Variants in CYP4F2 observed in about 807,000 individuals in gnomAD.
CYP4F2 encodes cytochrome P450 4F2.
In CYP4F2, 58 loss-of-function variants were observed where a neutral mutation model predicts 58.9. That is an observed-to-expected ratio of 0.98 (90% CI 0.80 to 1.23). The LOEUF is 1.23. CYP4F2 is among the 50% of genes most tolerant of loss of function. The probability of loss-of-function intolerance (pLI) is 0.00; values close to 1 mark genes in which losing one functional copy is unlikely to be tolerated. For synonymous variants in CYP4F2, 287 were observed against 261.1 expected (o/e 1.10, Z -0.95); for missense variants, 616 against 685.6 (o/e 0.90, Z 1.13).
intron 9 of CYP4F2, among the ~76,000 whole-genome samples, chr19:15,882,569 C>T: frequency 1.5e-5 from 1 of 66,908 alleles, no homozygotes; most frequent in Non-Finnish European, 3.4e-5. Flanking sequence ...CACATTGTAC[C>T]TCTAATATAT....
At chr19:15,884,337 A>C (rs1402190233) in intron 9 of CYP4F2, among the ~76,000 whole-genome samples, 1 of 152,160 alleles carries the variant, frequency 6.6e-6, no homozygotes, top group African/African-American at 2.4e-5. Context: ...GATTGGTAGA[A>C]GGGAGGGAGG....
Position 15,879,612 on chromosome 19 carries a change from C to T in CYP4F2, c.1306G>A (p.Asp436Asn). 2 of 1,614,102 alleles carry T rather than the reference C, an allele frequency of 1.2e-6. No homozygotes were observed. The highest frequency in any genetic ancestry group is 1.7e-6 in the Non-Finnish European group (2 of 1,180,008). The change falls in exon 11 of 13, where the codon GAC becomes AAC. Residue 436 changes from aspartate (D) to asparagine (N), a missense_variant. Coordinates refer to ENST00000221700, the MANE Select transcript of CYP4F2 (RefSeq NM_001082.5). ...AGAGAGGGGCCCCGCACCTCAGGGT[C>T]CGGCCACACAGCTGGGTTGTGATGG... ...GTHHNPAVWPDPEVYDPFRFD... is the reference protein window; with the variant it reads ...GTHHNPAVWPNPEVYDPFRFD...
intron 3 of CYP4F2, among the ~76,000 whole-genome samples, chr19:15,894,076 G>A (rs2089433768): frequency 6.6e-6 from 1 of 152,026 alleles, no homozygotes; most frequent in Non-Finnish European, 1.5e-5. Context: ...AGACAGAAAA[G>A]GTCTTTCCCC....
Position 15,897,578 on chromosome 19 carries a change from A to C in CYP4F2, c.34T>G (p.Trp12Gly), listed in dbSNP as rs3093105. 266,305 of 1,613,268 alleles carry C rather than the reference A, an allele frequency of 0.17. 23,107 individuals carry two copies. The highest frequency in any genetic ancestry group is 0.24 in the African/African-American group (17,840 of 74,890). The change falls in exon 2 of 13, where the codon TGG (tryptophan) becomes GGG (glycine). Residue 12 changes from tryptophan (W) to glycine (G), a missense_variant. By Grantham distance (184) the Trp-to-Gly change is radical. Coordinates refer to ENST00000221700, the MANE Select transcript of CYP4F2 (RefSeq NM_001082.5). ...AGCCAAGGGGATGCTGCCACTGGCC[A>C]GAGGCCCAGCCAGGACAGGCTCAGC... is the stretch of plus-strand genomic sequence containing the variant. ...SQLSLSWLGL[W>G]PVAASPWLLL...
At position 15,897,573 on chromosome 19, in the gene CYP4F2, T is replaced by G. The variant is rs951413978; in HGVS notation, c.39A>C (p.Pro13=). The G allele has an allele frequency of 1.9e-6, 3 of 1,613,730 alleles. No individual in the cohort carries two copies. The highest frequency in any genetic ancestry group is 2.7e-5 in the African/African-American group (2 of 74,884). ...QLSLSWLGLW[P]VAASPWLLLL... is the part of the protein sequence containing the mutation. ...GGAGCAGCCAAGGGGATGCTGCCAC[T>G]GGCCAGAGGCCCAGCCAGGACAGGC... The change falls in exon 2 of 13, where the codon CCA becomes CCC. Residue 13 remains proline (P), a synonymous_variant. Coordinates refer to ENST00000221700, the MANE Select transcript of CYP4F2 (RefSeq NM_001082.5).
intron 3 of CYP4F2, among the ~76,000 whole-genome samples, chr19:15,894,535 C>T (rs1389690183): frequency 6.6e-6 from 1 of 151,970 alleles, no homozygotes; most frequent in Non-Finnish European, 1.5e-5. Flanking sequence ...TTCCAGTGAC[C>T]TTGTGTGAGA....
chr19:15,884,762 T>C (rs1376385890), intron 9 of CYP4F2, among the ~76,000 whole-genome samples: 1 of 152,188 alleles, frequency 6.6e-6, no homozygotes, highest in African/African-American at 2.4e-5. Context: ...TCCATTCCAA[T>C]GCTTCCTCTC....
intron 9 of CYP4F2, among the ~76,000 whole-genome samples, chr19:15,882,465 T>A (rs948325286): frequency 1.3e-5 from 2 of 152,034 alleles, no homozygotes; most frequent in African/African-American, 4.8e-5. Context: ...AAATTTCAAA[T>A]GTTCTCAACA....
chr19:15,886,320 G>C lies in CYP4F2; in HGVS notation c.919-12C>G. 1 of 1,604,990 alleles carries C rather than the reference G, an allele frequency of 6.2e-7. No individual in the cohort carries two copies. Among genetic ancestry groups the C allele is most frequent in the African/African-American group, 1.4e-5 (1 of 72,270 alleles). On this transcript the variant is annotated splice_polypyrimidine_tract_variant and intron_variant, in intron 7 of 12. Coordinates refer to ENST00000221700, the MANE Select transcript of CYP4F2 (RefSeq NM_001082.5). ...TTCCCGTCTTCATCCTGGAGAGAAG[G>C]CAGTAACCCCCCCCAACCCCCACCC... is the stretch of plus-strand genomic sequence containing the variant.
At chr19:15,881,299 G>GA (rs555949371) in intron 9 of CYP4F2, among the ~76,000 whole-genome samples, 1 of 152,084 alleles carries the variant, frequency 6.6e-6, no homozygotes, top group Admixed American at 6.5e-5. Context: ...TTAGCATTCA[G>GA]AAAAAAATAG....
intron 6 of CYP4F2, 129 bp downstream of exon 6, chr19:15,890,183 C>G (rs2089407964): frequency 6.8e-7 from 1 of 1,468,382 alleles, no homozygotes; most frequent in East Asian, 2.3e-5. Context: ...TCATACCAGT[C>G]CTTCAATGAT....
chr19:15,884,559 A>G (rs1475774202), intron 9 of CYP4F2, among the ~76,000 whole-genome samples: 2 of 152,236 alleles, frequency 1.3e-5, no homozygotes, highest in Non-Finnish European at 2.9e-5. Context: ...GATCTTTACC[A>G]GTTATATGAA....
At chr19:15,882,576 ATATATATGT>A in intron 9 of CYP4F2, among the ~76,000 whole-genome samples, 1 of 50,018 alleles carries the variant, frequency 2.0e-5, no homozygotes, top group African/African-American at 8.5e-5. Flanking sequence ...TACCTCTAAT[ATATATATGT>A]TCTCAACATA....
At chr19:15,892,675 C>G in intron 3 of CYP4F2, 93 bp from the exon 4 acceptor site, 1 of 1,541,534 alleles carries the variant, frequency 6.5e-7, no homozygotes, top group Non-Finnish European at 8.8e-7. Context: ...GTTTGCACTT[C>G]TCCCACTCTG....
Position 15,879,782 on chromosome 19 carries a change from C to A in CYP4F2, c.1231G>T (p.Gly411Cys), listed in dbSNP as rs767048930. The A allele has an allele frequency of 6.2e-7, 1 of 1,614,096 alleles. No homozygotes were observed. Among genetic ancestry groups the A allele is most frequent in the South Asian group, 1.1e-5 (1 of 91,082 alleles). Residue 411 changes from glycine to cysteine, a missense_variant, in exon 10 of 13, where the codon GGC becomes TGC. Gly to Cys is a radical substitution (Grantham distance 159). Transcript: ENST00000221700. ...HVTQDIVLPD[G>C]RVIPKGIICL... is the part of the protein sequence containing the mutation. ...TGAGCACCTTTGGGGATGACCCGGC[C>A]GTCTGGGAGCACAATGTCCTGGGTG...
At chr19:15,881,341 TAC>T (rs2089342982) in intron 9 of CYP4F2, among the ~76,000 whole-genome samples, 1 of 152,174 alleles carries the variant, frequency 6.6e-6, no homozygotes. Flanking sequence ...GAAAACAAGT[TAC>T]AAATATATAC....
chr19:15,895,301 G>T (rs2089441016), intron 3 of CYP4F2, among the ~76,000 whole-genome samples: 1 of 152,162 alleles, frequency 6.6e-6, no homozygotes, highest in Admixed American at 6.5e-5. Flanking sequence ...TTCCAGGGCA[G>T]CCCAGAACAC....
chr19:15,893,619 G>T (rs3093133), intron 3 of CYP4F2: 4 of 155,924 alleles, frequency 2.6e-5, no homozygotes, highest in African/African-American at 7.2e-5. Context: ...GTCCAGGGGC[G>T]ATGGAGGCAA....
At chr19:15,895,882 TATC>T (rs769013391) in intron 2 of CYP4F2, among the ~76,000 whole-genome samples, 7 of 151,012 alleles carry the variant, frequency 4.6e-5, no homozygotes, top group Non-Finnish European at 1.0e-4. Flanking sequence ...TCTGTCTGCT[TATC>T]ATCTATTAAT....
Sources: gnomAD v4.1 joint callset for allele counts (sites outside exome capture counted in the v4.1 genomes callset) on GRCh38, gnomAD v4.1.1 for gene constraint, MANE v1.5 for transcripts, NCBI Gene and HGNC (gene_info 2026-07-23, HGNC 2026-07-21) for gene names.